TPP2: variants seen among roughly 807,000 people sequenced by gnomAD.
TPP2 encodes tripeptidyl peptidase 2.
TPP2 carries 34 observed loss-of-function variants against 155.9 expected under a neutral mutation model. That is an observed-to-expected ratio of 0.22 (90% CI 0.17 to 0.29). The LOEUF (loss-of-function observed/expected upper bound fraction) is 0.29. Ranked by LOEUF, TPP2 falls within the 10% of genes least tolerant of loss-of-function variation. TPP2 has a pLI of 1.00. For synonymous variants in TPP2, 510 were observed against 529.4 expected (o/e 0.96, Z 0.50); for missense variants, 1,028 against 1,522.3 (o/e 0.68, Z 5.40).
intron 10 of TPP2, 92 bp from the exon 11 acceptor site, chr13:102,633,858 T>C (rs546292543): frequency 1.5e-5 from 24 of 1,554,936 alleles, no homozygotes; most frequent in African/African-American, 2.7e-5. Flanking sequence ...CATAGTGTTA[T>C]ACTATTGGAT....
At chr13:102,632,726 A>G (rs1882101693) in intron 10 of TPP2, among the ~76,000 whole-genome samples, 1 of 152,202 alleles carries the variant, frequency 6.6e-6, no homozygotes, top group South Asian at 2.1e-4. Context: ...TACAGTGCAA[A>G]CAAGAAGGTA....
chr13:102,643,088 A>T (rs529163197), intron 16 of TPP2, 134 bp from the exon 17 acceptor site: 5 of 689,766 alleles, frequency 7.2e-6, no homozygotes, highest in African/African-American at 5.7e-5. Context: ...TGCAGATTTG[A>T]GTGTACATTT....
intron 21 of TPP2, among the ~76,000 whole-genome samples, chr13:102,647,615 T>G (rs903887643): frequency 6.6e-6 from 1 of 152,122 alleles, no homozygotes; most frequent in African/African-American, 2.4e-5. Flanking sequence ...GTGTGTGGTG[T>G]TTCTCCTTCC....
At chr13:102,668,753 C>G (rs1884776512) in intron 27 of TPP2, among the ~76,000 whole-genome samples, 1 of 152,158 alleles carries the variant, frequency 6.6e-6, no homozygotes, top group Non-Finnish European at 1.5e-5. Context: ...GGTTAATACC[C>G]AAAAGAGTTG....
rs76133942 is a variant in TPP2 at position 102,666,544 on chromosome 13, C to A, written c.3371+1619C>A. 1.9e-3 allele frequency among the ~76,000 whole-genome samples: 293 copies of A among 152,048 alleles called. 3 individuals carry two copies. Among genetic ancestry groups the A allele is most frequent in the African/African-American group, 6.8e-3 (280 of 41,416 alleles). On this transcript the variant is annotated intron_variant, in intron 27 of 29. Transcript: ENST00000376052. Reference sequence around the variant, plus strand: ...GAGTCTTCTTTGAGCTCTCTGCAGCCCCCGACATTAACTATCCCATATACT... The same window carrying A: ...GAGTCTTCTTTGAGCTCTCTGCAGCACCCGACATTAACTATCCCATATACT...
intron 16 of TPP2, among the ~76,000 whole-genome samples, chr13:102,641,599 C>T (rs932711430): frequency 6.6e-6 from 1 of 152,046 alleles, no homozygotes; most frequent in Non-Finnish European, 1.5e-5. Context: ...TTTGGTTCCC[C>T]ATACCATTTT....
intron 17 of TPP2, 43 bp downstream of exon 17, chr13:102,643,419 C>T (rs745410189): frequency 1.3e-6 from 2 of 1,524,542 alleles, no homozygotes; most frequent in South Asian, 2.6e-5. Context: ...AATTTATTTG[C>T]CTTTTTGGTA....
intron 2 of TPP2, among the ~76,000 whole-genome samples, chr13:102,605,872 C>CGCCACCA (rs1348273368): frequency 6.6e-6 from 1 of 152,028 alleles, no homozygotes; most frequent in East Asian, 1.9e-4. Context: ...TACAGGTGCC[C>CGCCACCA]GCCACCACGT....
At chr13:102,600,693 A>G (rs1302849931) in intron 1 of TPP2, among the ~76,000 whole-genome samples, 2 of 152,220 alleles carry the variant, frequency 1.3e-5, no homozygotes, top group Non-Finnish European at 2.9e-5. Flanking sequence ...GGCATAATGA[A>G]GGAATATAAT....
At chr13:102,597,280 C>T (rs1661096548) in intron 1 of TPP2, 77 bp downstream of exon 1, 5 of 859,072 alleles carry the variant, frequency 5.8e-6, no homozygotes, top group Admixed American at 8.7e-5. Flanking sequence ...TCTCGGAGCC[C>T]GGCAGGCCAA....
chr13:102,678,296 C>G lies in TPP2; in HGVS notation c.3769C>G (p.Pro1257Ala), dbSNP rs895272857. The G allele has an allele frequency of 1.2e-6, 2 of 1,613,564 alleles. No individual in the cohort carries two copies. The stretch of plus-strand genomic sequence containing the variant: ...AAACTGGCTCCCCATCATGTATCCT[C>G]CCGATTATTGCGTATTCTAAAATAG... ...TENWLPIMYP[P>A]DYCVF Residue 1257 changes from proline (P) to alanine (A), a missense_variant, in exon 30 of 30, where the codon CCC (proline) becomes GCC (alanine). By Grantham distance (27) the Pro-to-Ala change is conservative. Around this residue, in one of 7 missense-constraint regions of TPP2, gnomAD observed 41 missense variants for 78.3 expected, o/e 0.52. Coordinates refer to ENST00000376052, the MANE Select transcript of TPP2 (RefSeq NM_001330588.2).
rs566217591 is a variant in TPP2 at position 102,626,844 on chromosome 13, A to C, written c.785-168A>C. ...CTGGATATAAAGCTCTTTGTCAGCT[A>C]TACATGTTGCAAATACTTTCCTTTG... is the stretch of plus-strand genomic sequence containing the variant. On this transcript the variant is annotated intron_variant, in intron 6 of 29. Coordinates refer to ENST00000376052, the MANE Select transcript of TPP2 (RefSeq NM_001330588.2). 4 of 464,648 alleles carry C rather than the reference A, an allele frequency of 8.6e-6. No individual in the cohort carries two copies. In the South Asian group the frequency reaches 2.6e-4, roughly 30 times the overall value. 28.8% of individuals were successfully genotyped at this position (464,648 alleles called of 1,614,324 possible).
At chr13:102,666,488 T>C (rs1884603713) in intron 27 of TPP2, among the ~76,000 whole-genome samples, 1 of 152,246 alleles carries the variant, frequency 6.6e-6, no homozygotes, top group Non-Finnish European at 1.5e-5. Context: ...TCACCAGTGA[T>C]AACCAGTTGC....
chr13:102,601,241 C>T (rs1487557421), intron 1 of TPP2, among the ~76,000 whole-genome samples: 1 of 152,076 alleles, frequency 6.6e-6, no homozygotes, highest in African/African-American at 2.4e-5. Flanking sequence ...GAATAAAAGT[C>T]ACTGGTTAAT....
Position 102,597,219 on chromosome 13 carries a change from A to G in TPP2, c.165+16A>G, listed in dbSNP as rs753882331. 5 of 1,357,870 alleles carry G rather than the reference A, an allele frequency of 3.7e-6. No homozygotes were observed. Among genetic ancestry groups the G allele is most frequent in the Non-Finnish European group, 4.8e-6 (5 of 1,050,420 alleles). 84.1% of individuals were successfully genotyped at this position (1,357,870 alleles called of 1,614,324 possible). A position where few individuals can be genotyped will look rare whatever the true frequency, so the allele number is the denominator to read the frequency against. ...GGGCATGCAGGTGAGGCGGCCCCCG[A>G]GGGCCCGGGCGCGGGGGCGCGGGCG... On this transcript the variant is annotated intron_variant, in intron 1 of 29. Transcript: ENST00000376052.
In TPP2 at chr13:102,597,025, T is replaced by A. The variant is rs201756227; in HGVS notation, c.-14T>A. ...CTGGCAGTTTGCCGCTTCCTCGTCC[T>A]CCATCCTGCGTCCATGGCCACCGCT... is the stretch of plus-strand genomic sequence containing the variant. On this transcript the variant is annotated 5_prime_UTR_variant, in exon 1 of 30. Transcript: ENST00000376052. The A allele has an allele frequency of 1.3e-5, 21 of 1,610,584 alleles. No homozygotes were observed. The highest frequency in any genetic ancestry group is 1.6e-5 in the Non-Finnish European group (19 of 1,178,944).
intron 2 of TPP2, among the ~76,000 whole-genome samples, chr13:102,609,805 G>T (rs190014673): frequency 4.6e-5 from 7 of 152,192 alleles, no homozygotes; most frequent in East Asian, 3.9e-4. Flanking sequence ...TCCCTCCCCT[G>T]ACACGAAGGG....
intron 24 of TPP2, 200 bp from the exon 25 acceptor site, chr13:102,656,856 C>T: frequency 2.5e-6 from 1 of 395,602 alleles, no homozygotes. Context: ...TTTGAAGTAT[C>T]AGTACTCAGC....
intron 24 of TPP2, among the ~76,000 whole-genome samples, chr13:102,651,874 T>C (rs1883511767): frequency 6.6e-6 from 1 of 152,120 alleles, no homozygotes; most frequent in African/African-American, 2.4e-5. Context: ...TCCATTCTGG[T>C]TCTGAAAGAA....
Sources: allele counts gnomAD v4.1 joint callset (sites outside exome capture counted in the v4.1 genomes callset), GRCh38; gene constraint gnomAD v4.1.1; regional missense constraint gnomAD v4.1.1; transcripts MANE v1.5; gene names NCBI Gene and HGNC (gene_info 2026-07-23, HGNC 2026-07-21).